The following ACTL6B variants were observed in gnomAD, a reference collection of about 807,000 sequenced individuals.
ACTL6B encodes the protein actin-like protein 6B.
In ACTL6B, 48 loss-of-function variants were observed where a neutral mutation model predicts 63.3. That is an observed-to-expected ratio of 0.76 (90% CI 0.60 to 0.96). The LOEUF (loss-of-function observed/expected upper bound fraction) is 0.96, where lower values mean the gene tolerates loss of function less well. Among genes scored for constraint, ACTL6B ranks in the 50% least tolerant of loss-of-function variants. ACTL6B has a pLI of 0.00. For missense variants in ACTL6B, 350 were observed against 572.2 expected (o/e 0.61, Z 3.96); for synonymous variants, 230 against 223.8 (o/e 1.03, Z -0.25).
At position 100,655,273 on chromosome 7, in the gene ACTL6B, G is replaced by A; in HGVS notation, c.268+148C>T. ...TTCCCAGAAACCTGGTGGGCCCCTG[G>A]GAAGGGAACCCAGCGAGAAGAACCC... On this transcript the variant is annotated intron_variant, in intron 3 of 13. Coordinates refer to ENST00000160382, the MANE Select transcript of ACTL6B (RefSeq NM_016188.5). This position sits in a 1 kb window ranked among gnomAD's most constrained non-coding sequence, Gnocchi z 4.4. 8.1e-7 allele frequency: 1 copy of A among 1,235,992 alleles called. No homozygotes were observed. Among genetic ancestry groups the A allele is most frequent in the Non-Finnish European group, 1.1e-6 (1 of 877,898 alleles). 76.6% of individuals were successfully genotyped at this position (1,235,992 alleles called of 1,614,324 possible). A position where few individuals can be genotyped will look rare whatever the true frequency, so the allele number is the denominator to read the frequency against.
intron 13 of ACTL6B, 49 bp from the exon 14 acceptor site, chr7:100,643,375 G>A (rs1249350358): frequency 6.3e-7 from 1 of 1,597,406 alleles, no homozygotes; most frequent in African/African-American, 1.3e-5. Context: ...GGAGGGAGGT[G>A]TGGACAGGCA....
At position 100,643,478 on chromosome 7, in the gene ACTL6B, G is replaced by A. The variant is rs73711142; in HGVS notation, c.1201-152C>T. 5.0e-3 allele frequency: 3,329 copies of A among 667,184 alleles called. 91 individuals are homozygous for A. The African/African-American group carries it at 0.051, about 10-fold the overall frequency. The allele number at this position is 667,184 out of a possible 1,614,324, so 41.3% of individuals were successfully genotyped here. ...CTCCCCACCTCATCCTCCCCTCCTC[G>A]GTCTGTCCCCTTTCATATTCAGAGG... is the stretch of plus-strand genomic sequence containing the variant. On this transcript the variant is annotated intron_variant, in intron 13 of 13. Coordinates refer to ENST00000160382, the MANE Select transcript of ACTL6B (RefSeq NM_016188.5).
At chr7:100,649,270 G>T (rs1407129070) in intron 5 of ACTL6B, among the ~76,000 whole-genome samples, 3 of 150,582 alleles carry the variant, frequency 2.0e-5, no homozygotes, top group African/African-American at 7.3e-5. Flanking sequence ...GGGATTACAG[G>T]CATGAGCCAC....
chr7:100,647,508 G>A lies in ACTL6B; in HGVS notation c.695C>T (p.Pro232Leu). Residue 232 changes from proline (P) to leucine (L), a missense_variant, in exon 8 of 14, where the codon CCA (proline) becomes CTA (leucine). Around this residue, in one of 3 missense-constraint regions of ACTL6B, gnomAD observed 250 missense variants for 364.7 expected, o/e 0.69. Transcript: ENST00000160382. The surrounding 1 kb of genome is among the most constrained non-coding windows in gnomAD (Gnocchi z 4.4). ...AKEPVREGAP[P>L]NWKKKEKLPQ... Reference sequence around the variant, plus strand: ...TAGCTTCTCCTTCTTCTTCCAGTTTGGGGGGGCACCCTCCCGGACAGGCTC... The same window carrying A: ...TAGCTTCTCCTTCTTCTTCCAGTTTAGGGGGGCACCCTCCCGGACAGGCTC... The A allele has an allele frequency of 1.9e-6, 3 of 1,606,846 alleles. No homozygotes were observed. The highest frequency in any genetic ancestry group is 2.6e-6 in the Non-Finnish European group (3 of 1,176,352).
At position 100,646,018 on chromosome 7, in the gene ACTL6B, AC is replaced by A. The variant is rs1239942989; in HGVS notation, c.1200+230del. The stretch of plus-strand genomic sequence containing the variant: ...ACTCCTAGCCTCAAGCCATCCCCCC[AC>A]TTCAGCCACCCAAAGTGCTGGGATG... On this transcript the variant is annotated intron_variant, in intron 13 of 13. Coordinates refer to ENST00000160382, the MANE Select transcript of ACTL6B (RefSeq NM_016188.5). This position sits in a 1 kb window ranked among gnomAD's most constrained non-coding sequence, Gnocchi z 6.1. Among the ~76,000 whole-genome samples, 2 of 151,932 alleles carry A rather than the reference AC, an allele frequency of 1.3e-5. No individual in the cohort carries two copies. The highest frequency in any genetic ancestry group is 4.8e-5 in the African/African-American group (2 of 41,344).
Position 100,655,810 on chromosome 7 carries a change from C to T in ACTL6B, c.95G>A (p.Cys32Tyr), listed in dbSNP as rs1381091554. 1.9e-6 allele frequency: 3 copies of T among 1,569,428 alleles called. No homozygotes were observed. The highest frequency in any genetic ancestry group is 1.7e-6 in the Non-Finnish European group (2 of 1,156,602). ...GGAGACTGGAAGGCTCACCTTGGGA[C>T]AGTCCTCCCCAGCGTACCCAGCGCG... ...SVRAGYAGED[C>Y]PKADFPTTVG... is the part of the protein sequence containing the mutation. The change falls in exon 2 of 14, where the codon TGT (cysteine) becomes TAT (tyrosine). Residue 32 changes from cysteine (C) to tyrosine (Y), a missense_variant. By Grantham distance (194) the Cys-to-Tyr change is radical. Transcript: ENST00000160382. This position sits in a 1 kb window ranked among gnomAD's most constrained non-coding sequence, Gnocchi z 4.4.
intron 5 of ACTL6B, among the ~76,000 whole-genome samples, chr7:100,649,790 G>A (rs1162473304): frequency 1.3e-5 from 2 of 152,106 alleles, no homozygotes; most frequent in Admixed American, 6.6e-5. Context: ...ACTCTCTCCC[G>A]GGCCCAGCTC....
intron 4 of ACTL6B, among the ~76,000 whole-genome samples, chr7:100,654,768 T>TC (rs1554367505): frequency 7.3e-6 from 1 of 137,706 alleles, no homozygotes; most frequent in African/African-American, 2.6e-5. Flanking sequence ...TGAGACTGTG[T>TC]CAAAAAAAAA....
intron 4 of ACTL6B, among the ~76,000 whole-genome samples, chr7:100,652,503 A>G (rs1480958972): frequency 3.4e-5 from 5 of 148,640 alleles, no homozygotes; most frequent in Non-Finnish European, 3.0e-5. Context: ...AGGCTGAGGC[A>G]GGAGAACCCA....
intron 4 of ACTL6B, among the ~76,000 whole-genome samples, chr7:100,653,810 G>A (rs1429765015): frequency 4.6e-5 from 7 of 152,014 alleles, no homozygotes; most frequent in Non-Finnish European, 2.9e-5. Flanking sequence ...AAAATTCAGC[G>A]ATAATACCTA....
Position 100,655,489 on chromosome 7 carries a change from A to C in ACTL6B, c.200T>G (p.Ile67Ser). 1 of 1,614,096 alleles carries C rather than the reference A, an allele frequency of 6.2e-7. No homozygotes were observed. Among genetic ancestry groups the C allele is most frequent in the South Asian group, 1.1e-5 (1 of 91,074 alleles). ...DKEKKGKIFH[I>S]DTNALHVPRD... ...AGGCACGTGCAGGGCATTGGTGTCG[A>C]TGTGGAAGATCTTCCCTTTCTTCTC... Residue 67 changes from isoleucine to serine, a missense_variant, in exon 3 of 14, where the codon ATC becomes AGC. By Grantham distance (142) the Ile-to-Ser change is moderately radical. Transcript: ENST00000160382. This position sits in a 1 kb window ranked among gnomAD's most constrained non-coding sequence, Gnocchi z 4.4.
intron 4 of ACTL6B, among the ~76,000 whole-genome samples, chr7:100,651,402 T>C (rs1803937509): frequency 6.6e-6 from 1 of 151,746 alleles, no homozygotes; most frequent in Admixed American, 6.6e-5. Context: ...AATACAAAAA[T>C]TAGCCAGGTG....
chr7:100,656,383 G>A lies in ACTL6B; in HGVS notation c.-29C>T. On this transcript the variant is annotated 5_prime_UTR_variant, in exon 1 of 14. Transcript: ENST00000160382. The stretch of plus-strand genomic sequence containing the variant: ...GCCCGCTGCGCTGCTAGCGGCCCGT[G>A]GGCGGTGGCGGGATCAGCACCGAGG... 1 of 1,315,960 alleles carries A rather than the reference G, an allele frequency of 7.6e-7. No homozygotes were observed. Among genetic ancestry groups the A allele is most frequent in the South Asian group, 2.0e-5 (1 of 49,626 alleles). 81.5% of individuals were successfully genotyped at this position (1,315,960 alleles called of 1,614,324 possible).
rs183192325 is a variant in ACTL6B at position 100,656,229 on chromosome 7, C to A, written c.25+101G>T. The stretch of plus-strand genomic sequence containing the variant: ...ACCCGAGCCTGAGACTCGACCCGCT[C>A]GTGCGCGGAGGTGACAGGCCCCGGG... On this transcript the variant is annotated intron_variant, in intron 1 of 13. Transcript: ENST00000160382. 1,089 of 1,284,640 alleles carry A rather than the reference C, an allele frequency of 8.5e-4. 15 individuals are homozygous for A. In the East Asian group the frequency reaches 0.029, roughly 35 times the overall value. 79.6% of individuals were successfully genotyped at this position (1,284,640 alleles called of 1,614,324 possible). A position where few individuals can be genotyped will look rare whatever the true frequency, so the allele number is the denominator to read the frequency against.
chr7:100,646,415 G>C lies in ACTL6B; in HGVS notation c.1114-80C>G. On this transcript the variant is annotated intron_variant, in intron 12 of 13. Transcript: ENST00000160382. The surrounding 1 kb of genome is among the most constrained non-coding windows in gnomAD (Gnocchi z 6.1). ...GGGCTTGGGGGAGAGGGGAAGACTT[G>C]GGAAGCCACAGGGGCAGGGGTTCTG... The C allele has an allele frequency of 6.4e-7, 1 of 1,565,620 alleles. No homozygotes were observed. Among genetic ancestry groups the C allele is most frequent in the African/African-American group, 1.4e-5 (1 of 73,974 alleles).
chr7:100,656,097 T>C (rs1562851606), intron 1 of ACTL6B, among the ~76,000 whole-genome samples: 2 of 152,110 alleles, frequency 1.3e-5, no homozygotes, highest in Non-Finnish European at 2.9e-5. Context: ...CAGGGCACCC[T>C]CCCGACGGGA....
Position 100,648,655 on chromosome 7 carries a change from G to C in ACTL6B, c.570C>G (p.Val190=). Residue 190 remains valine (V), a synonymous_variant, in exon 7 of 14, where the codon GTC becomes GTG. Coordinates refer to ENST00000160382, the MANE Select transcript of ACTL6B (RefSeq NM_016188.5). The surrounding 1 kb of genome is among the most constrained non-coding windows in gnomAD (Gnocchi z 4.4). Reference sequence around the variant, plus strand: ...TGAAGTCCCCTGCCAGAGGGGACTTGACGATGCCTAGAAGGAAGGCACTGT... The same window carrying C: ...TGAAGTCCCCTGCCAGAGGGGACTTCACGATGCCTAGAAGGAAGGCACTGT... ...HDGYVLQQGI[V]KSPLAGDFIS... 6.2e-7 allele frequency: 1 copy of C among 1,612,386 alleles called. No individual in the cohort carries two copies. The highest frequency in any genetic ancestry group is 8.5e-7 in the Non-Finnish European group (1 of 1,178,964).
rs145110137 is a variant in ACTL6B at position 100,645,515 on chromosome 7, A to G, written c.1200+734T>C. Among the ~76,000 whole-genome samples the G allele has an allele frequency of 1.4e-3, 220 of 152,140 alleles. 1 individual carries two copies. Among genetic ancestry groups the G allele is most frequent in the Admixed American group, 4.8e-3 (74 of 15,266 alleles). ...TGGCAGTCTTTCCAATCATGCCTGC[A>G]TTGCCACATCACTCCCTTGCCCCAA... On this transcript the variant is annotated intron_variant, in intron 13 of 13. Coordinates refer to ENST00000160382, the MANE Select transcript of ACTL6B (RefSeq NM_016188.5).
Position 100,646,888 on chromosome 7 carries a change from G to T in ACTL6B, c.937-57C>A. ...CTCTCCCCCTTCCCCCCAGACCCCT[G>T]CAATCCTTCCCAGCCTCCCCCACGC... On this transcript the variant is annotated intron_variant, in intron 10 of 13. Coordinates refer to ENST00000160382, the MANE Select transcript of ACTL6B (RefSeq NM_016188.5). This position sits in a 1 kb window ranked among gnomAD's most constrained non-coding sequence, Gnocchi z 6.1. The T allele has an allele frequency of 6.3e-7, 1 of 1,587,862 alleles. No homozygotes were observed. The highest frequency in any genetic ancestry group is 1.1e-5 in the South Asian group (1 of 89,896).
Sources: allele counts gnomAD v4.1 joint callset (sites outside exome capture counted in the v4.1 genomes callset), GRCh38; gene constraint gnomAD v4.1.1; regional missense constraint gnomAD v4.1.1; non-coding constraint Gnocchi (gnomAD v3.1); transcripts MANE v1.5; gene names NCBI Gene and HGNC (gene_info 2026-07-23, HGNC 2026-07-21).